The following LINGO2 variants were observed in gnomAD, a reference collection of about 807,000 sequenced individuals.
LINGO2 encodes leucine-rich repeat and immunoglobulin-like domain-containing nogo receptor-interacting protein 2.
A neutral mutation model predicts 30.6 loss-of-function variants in LINGO2; 14 were observed. The ratio of observed to expected loss-of-function variants is 0.46; its 90% CI spans 0.30 to 0.72. The LOEUF is 0.72. Among genes scored for constraint, LINGO2 ranks in the 30% least tolerant of loss-of-function variants. The pLI, the probability that LINGO2 is intolerant of heterozygous loss-of-function variation, is 0.07. For missense variants in LINGO2, 729 were observed against 751.7 expected (o/e 0.97, Z 0.35); for synonymous variants, 317 against 288.5 (o/e 1.10, Z -1.00).
chr9:29,035,795 G>A, the LINGO2 span, among the ~76,000 whole-genome samples: 3 of 151,880 alleles, frequency 2.0e-5, no homozygotes, highest in Non-Finnish European at 2.9e-5. Context: ...AAGCATTTTA[G>A]TCCCAATTTG....
At chr9:28,499,408 T>C (rs540540055) in intron 1 of LINGO2, among the ~76,000 whole-genome samples, 1 of 152,356 alleles carries the variant, frequency 6.6e-6, no homozygotes, top group Admixed American at 6.5e-5. Context: ...CTGTTGTCAA[T>C]GATCAACATC....
At chr9:29,103,006 T>C in the LINGO2 span, among the ~76,000 whole-genome samples, 18 of 151,962 alleles carry the variant, frequency 1.2e-4, no homozygotes, top group Non-Finnish European at 2.1e-4. Context: ...GCTAAAACAA[T>C]ATATAACCAA....
the LINGO2 span, among the ~76,000 whole-genome samples, chr9:28,851,428 G>A: frequency 1.3e-5 from 2 of 152,046 alleles, no homozygotes; most frequent in Non-Finnish European, 2.9e-5. Flanking sequence ...AAGGGTCCCT[G>A]TGATTATATT....
At chr9:28,218,626 T>A (rs994527275) in intron 4 of LINGO2, among the ~76,000 whole-genome samples, 1 of 152,104 alleles carries the variant, frequency 6.6e-6, no homozygotes, top group Admixed American at 6.5e-5. Flanking sequence ...GTGGAGAACA[T>A]GAGACCCTGA....
At chr9:28,221,477 A>G (rs1173764611) in intron 4 of LINGO2, among the ~76,000 whole-genome samples, 3 of 152,062 alleles carry the variant, frequency 2.0e-5, no homozygotes, top group Non-Finnish European at 4.4e-5. Context: ...TACATTTGCT[A>G]CTCCTAATTG....
chr9:28,198,539 A>G (rs976156053), intron 4 of LINGO2, among the ~76,000 whole-genome samples: 3 of 152,150 alleles, frequency 2.0e-5, no homozygotes, highest in Non-Finnish European at 4.4e-5. Flanking sequence ...TTTAGAACTT[A>G]TTTTGCTATT....
chr9:28,683,321 C>T, the LINGO2 span, among the ~76,000 whole-genome samples: 5 of 152,042 alleles, frequency 3.3e-5, no homozygotes, highest in African/African-American at 2.4e-5. Context: ...AAGTTTTGTA[C>T]CATCATTTTC....
chr9:28,314,722 C>T (rs1391658953), intron 3 of LINGO2, among the ~76,000 whole-genome samples: 7 of 152,154 alleles, frequency 4.6e-5, no homozygotes, highest in African/African-American at 1.4e-4. Flanking sequence ...CGGTGGCTCA[C>T]GCCTGTAATC....
At chr9:28,399,533 C>A (rs950441645) in intron 2 of LINGO2, among the ~76,000 whole-genome samples, 1 of 151,982 alleles carries the variant, frequency 6.6e-6, no homozygotes, top group Non-Finnish European at 1.5e-5. Flanking sequence ...AACATGGTTA[C>A]AATAATTCAT....
At chr9:28,843,868 G>A in the LINGO2 span, among the ~76,000 whole-genome samples, 8 of 151,784 alleles carry the variant, frequency 5.3e-5, no homozygotes, top group East Asian at 1.9e-4. Flanking sequence ...GAATCAGAAC[G>A]ATTTAGGTTC....
At position 28,255,380 on chromosome 9, in the gene LINGO2, A is replaced by G. The variant is rs754886416; in HGVS notation, c.-87+39828T>C. 2.2e-4 allele frequency among the ~76,000 whole-genome samples: 34 copies of G among 152,076 alleles called. 1 individual carries two copies. The highest frequency in any genetic ancestry group is 4.7e-4 in the Non-Finnish European group (32 of 67,984). On this transcript the variant is annotated intron_variant, in intron 4 of 5. Coordinates refer to ENST00000379992, the Ensembl canonical transcript of LINGO2. ...TTATCCTCCTGTAGAGAAATGCTGT[A>G]TCAGCATGGAAAGACAGAGTCAGAC...
intron 1 of LINGO2, among the ~76,000 whole-genome samples, chr9:28,621,322 C>T (rs2135826466): frequency 6.6e-6 from 1 of 151,820 alleles, no homozygotes; most frequent in Non-Finnish European, 1.5e-5. Flanking sequence ...GTCATATTTT[C>T]AATGAATTTG....
At chr9:29,156,146 T>C in the LINGO2 span, among the ~76,000 whole-genome samples, 4 of 152,238 alleles carry the variant, frequency 2.6e-5, no homozygotes, top group Admixed American at 1.3e-4. Context: ...TGGTATACAA[T>C]GAGTTAACTA....
chr9:28,269,193 A>G (rs1822856337), intron 4 of LINGO2, among the ~76,000 whole-genome samples: 1 of 151,934 alleles, frequency 6.6e-6, no homozygotes. Context: ...CTATTTTCCT[A>G]CTACTGTAAT....
the LINGO2 span, among the ~76,000 whole-genome samples, chr9:29,005,413 T>C: frequency 6.6e-6 from 1 of 151,800 alleles, no homozygotes; most frequent in Non-Finnish European, 1.5e-5. Context: ...CTATGAGAGA[T>C]TGGTTCCAAA....
intron 3 of LINGO2, among the ~76,000 whole-genome samples, chr9:28,341,556 A>G (rs1413074915): frequency 3.3e-5 from 5 of 152,188 alleles, no homozygotes; most frequent in African/African-American, 7.2e-5. Flanking sequence ...AAAATATGGC[A>G]TTAAATACAA....
the LINGO2 span, among the ~76,000 whole-genome samples, chr9:28,782,958 A>AAC: frequency 6.6e-6 from 1 of 152,202 alleles, no homozygotes; most frequent in African/African-American, 2.4e-5. Flanking sequence ...ACAGGGTGTT[A>AAC]CTGTACTGAA....
In LINGO2 at chr9:28,041,398, T is replaced by G. The variant is rs533866862; in HGVS notation, c.-86-28993A>C. ...TGAGCTGCTTGGAACTCTTTACCTG[T>G]GTGCTTCTGTGTATAAAACCTGCTC... is the stretch of plus-strand genomic sequence containing the variant. On this transcript the variant is annotated intron_variant, in intron 4 of 5. Coordinates refer to ENST00000379992, the Ensembl canonical transcript of LINGO2. 3.9e-5 allele frequency among the ~76,000 whole-genome samples: 6 copies of G among 152,262 alleles called. No homozygotes were observed. In the South Asian group the frequency reaches 1.0e-3, roughly 26 times the overall value.
At chr9:28,973,655 A>G in the LINGO2 span, among the ~76,000 whole-genome samples, 1 of 152,172 alleles carries the variant, frequency 6.6e-6, no homozygotes, top group African/African-American at 2.4e-5. Context: ...CTGTGAGTCA[A>G]TTAAACCTCT....
Sources: gnomAD v4.1 joint callset for allele counts (sites outside exome capture counted in the v4.1 genomes callset) on GRCh38, gnomAD v4.1.1 for gene constraint, MANE v1.5 for transcripts, NCBI Gene and HGNC (gene_info 2026-07-23, HGNC 2026-07-21) for gene names.